The following ARHGEF11 variants were observed in gnomAD, a reference collection of about 807,000 sequenced individuals.
The protein encoded by ARHGEF11 is Rho guanine exchange factor (GEF) 11.
In ARHGEF11, 55 loss-of-function variants were observed where a neutral mutation model predicts 193.7. The ratio of observed to expected loss-of-function variants is 0.28; its 90% confidence interval spans 0.23 to 0.36. The LOEUF (loss-of-function observed/expected upper bound fraction) is 0.36. Among genes scored for constraint, ARHGEF11 ranks in the 10% least tolerant of loss-of-function variants. The pLI is 1.00. For synonymous variants in ARHGEF11, 693 were observed against 768.0 expected, an observed-to-expected ratio of 0.90 and a Z score of 1.62; for missense variants, 1,723 against 2,005.6, an observed-to-expected ratio of 0.86 and a Z score of 2.69.
chr1:156,938,363 C>G (rs138408443), intron 38 of ARHGEF11, 55 bp downstream of exon 38: 323 of 1,547,830 alleles, frequency 2.1e-4, no homozygotes, highest in Admixed American at 2.9e-4. Context: ...TCTGCCCTCA[C>G]AGGTTCCACA....
intron 1 of ARHGEF11, among the ~76,000 whole-genome samples, chr1:156,988,767 A>G (rs1003911438): frequency 3.3e-5 from 5 of 152,206 alleles, no homozygotes; most frequent in Non-Finnish European, 5.9e-5. Flanking sequence ...GGACAAGGAG[A>G]TGGCAACGTA....
chr1:156,953,490 C>CT (rs531712296), intron 21 of ARHGEF11, among the ~76,000 whole-genome samples: 251 of 152,108 alleles, frequency 1.7e-3, no homozygotes, highest in Non-Finnish European at 2.8e-3. Context: ...CAAGGCCATT[C>CT]TTTTTTTTCC....
chr1:156,960,263 G>C (rs1188239382), intron 15 of ARHGEF11, among the ~76,000 whole-genome samples, 155 bp downstream of exon 15: 1 of 152,164 alleles, frequency 6.6e-6, no homozygotes, highest in African/African-American at 2.4e-5. Flanking sequence ...CTACTGTGCA[G>C]TGTTCTGGAG....
At chr1:156,989,870 T>C (rs1169209560) in intron 1 of ARHGEF11, among the ~76,000 whole-genome samples, 1 of 152,258 alleles carries the variant, frequency 6.6e-6, no homozygotes, top group Admixed American at 6.5e-5. Flanking sequence ...TATCTATGTT[T>C]ATACATTTTT....
intron 1 of ARHGEF11, among the ~76,000 whole-genome samples, chr1:156,992,893 A>T (rs1317665201): frequency 6.6e-6 from 1 of 152,186 alleles, no homozygotes; most frequent in African/African-American, 2.4e-5. Context: ...TGGCTTCTGG[A>T]GTTTAAAGAA....
intron 1 of ARHGEF11, among the ~76,000 whole-genome samples, chr1:157,000,807 T>C (rs780426981): frequency 5.3e-5 from 8 of 152,144 alleles, no homozygotes; most frequent in Non-Finnish European, 8.8e-5. Context: ...TAACTGCAGG[T>C]AGATGCAAAC....
At position 156,995,957 on chromosome 1, in the gene ARHGEF11, A is replaced by G. The variant is rs2102610232; in HGVS notation, c.33-9784T>C. Among the ~76,000 whole-genome samples, 2 of 152,320 alleles carry G rather than the reference A, an allele frequency of 1.3e-5. 1 individual carries two copies. The highest frequency in any genetic ancestry group is 6.8e-3 in the Middle Eastern group (2 of 294). On this transcript the variant is annotated intron_variant, in intron 1 of 40. Transcript: ENST00000368194. The stretch of plus-strand genomic sequence containing the variant: ...AGGACATAGTAGATATTCAATAAAT[A>G]TGTGTTGGAAGATGAAATCAGATAC...
chr1:157,024,610 C>T lies in ARHGEF11; in HGVS notation c.32+19689G>A, dbSNP rs555766314. Among the ~76,000 whole-genome samples, 14 of 152,200 alleles carry T rather than the reference C, an allele frequency of 9.2e-5. No individual in the cohort carries two copies. The East Asian group carries it at 1.7e-3, about 19-fold the overall frequency. ...GTCTGCAGGTATAGGTGGTGCCCAG[C>T]CTGCTATGCTATGTAAATATCTTTT... is the stretch of plus-strand genomic sequence containing the variant. On this transcript the variant is annotated intron_variant, in intron 1 of 40. Transcript: ENST00000368194.
At chr1:157,016,354 GGATTATAGA>G (rs145492201) in intron 1 of ARHGEF11, among the ~76,000 whole-genome samples, 5,593 of 152,042 alleles carry the variant, frequency 0.037, 344 homozygotes, top group African/African-American at 0.13. Context: ...CGAGTAGCTG[GGATTATAGA>G]CACCTGCCAC....
At chr1:157,015,595 C>T (rs1183105778) in intron 1 of ARHGEF11, among the ~76,000 whole-genome samples, 1 of 152,170 alleles carries the variant, frequency 6.6e-6, no homozygotes, top group Non-Finnish European at 1.5e-5. Context: ...ATTGTCTTAT[C>T]CATCTTTGCA....
chr1:156,959,183 T>C (rs887616046), intron 15 of ARHGEF11, 41 bp from the exon 16 acceptor site: 1 of 1,571,172 alleles, frequency 6.4e-7, no homozygotes, highest in Non-Finnish European at 8.7e-7. Flanking sequence ...GATGGGGTAC[T>C]GGGGGTGGAG....
rs775282652 is a variant in ARHGEF11 at position 156,960,449 on chromosome 1, C to A, written c.1251G>T (p.Val417=). 5.6e-6 allele frequency: 9 copies of A among 1,614,132 alleles called. No homozygotes were observed. The highest frequency in any genetic ancestry group is 7.6e-6 in the Non-Finnish European group (9 of 1,180,028). Residue 417 remains valine (V), a synonymous_variant, in exon 15 of 41, where the codon GTG becomes GTT. Coordinates refer to ENST00000368194, the MANE Select transcript of ARHGEF11 (RefSeq NM_198236.3). The part of the protein sequence containing the change: ...IFLEKNAPLR[V]KIPEMLQAEI... ...CAGCCTGTAGCATCTCAGGGATCTT[C>A]ACTCTCAGAGGCTAAAAAACAGAAG...
chr1:156,986,946 C>A (rs547347561), intron 1 of ARHGEF11, among the ~76,000 whole-genome samples: 161 of 152,304 alleles, frequency 1.1e-3, no homozygotes, highest in African/African-American at 3.6e-3. Flanking sequence ...TATTCAGCTC[C>A]AGTCCCTCAG....
chr1:156,973,912 C>T (rs948551722), intron 7 of ARHGEF11, among the ~76,000 whole-genome samples: 1 of 152,200 alleles, frequency 6.6e-6, no homozygotes, highest in African/African-American at 2.4e-5. Context: ...ACATTTAACA[C>T]ACTTCTCCAA....
rs150597533 is a variant in ARHGEF11 at position 156,938,481 on chromosome 1, G to A, written c.4129C>T (p.Leu1377=). The A allele has an allele frequency of 8.1e-5, 130 of 1,613,644 alleles. No individual in the cohort carries two copies. The highest frequency in any genetic ancestry group is 9.9e-5 in the Non-Finnish European group (117 of 1,179,820). Residue 1377 remains leucine (L), a synonymous_variant, in exon 38 of 41, where the codon CTA becomes TTA. Transcript: ENST00000368194. ...EVAGSKVVPA[L]PESGQSEPGP... is the part of the protein sequence containing the mutation. ...GGCTCTGACTGGCCACTCTCTGGTAGTGCAGGGACAACCTTGCTGCCTGCC... is the reference window on the plus strand; with the variant it reads ...GGCTCTGACTGGCCACTCTCTGGTAATGCAGGGACAACCTTGCTGCCTGCC...
At chr1:156,961,837 A>AG in intron 13 of ARHGEF11, 62 bp from the exon 14 acceptor site, 1 of 1,485,902 alleles carries the variant, frequency 6.7e-7, no homozygotes, top group Non-Finnish European at 9.4e-7. Context: ...TTTGCCCCCT[A>AG]GGGGACGTTT....
chr1:157,031,753 AC>A (rs1671337243), intron 1 of ARHGEF11, among the ~76,000 whole-genome samples: 1 of 151,802 alleles, frequency 6.6e-6, no homozygotes, highest in Non-Finnish European at 1.5e-5. Context: ...TGGGATCCCT[AC>A]TCCCACCCCT....
intron 4 of ARHGEF11, 23 bp from the exon 5 acceptor site, chr1:156,979,309 T>A: frequency 6.2e-7 from 1 of 1,606,340 alleles, no homozygotes; most frequent in Non-Finnish European, 8.5e-7. Context: ...CAAACAGTAT[T>A]GAGTAATGGT....
intron 1 of ARHGEF11, among the ~76,000 whole-genome samples, chr1:157,035,911 CTATATATAGGAATATAT>C (rs1557990924): frequency 1.4e-4 from 14 of 98,364 alleles, no homozygotes; most frequent in African/African-American, 5.0e-4. Context: ...ATATATGAAT[CTATATATAGGAATATAT>C]ATATATGAAT....
Sources: allele counts gnomAD v4.1 joint callset (sites outside exome capture counted in the v4.1 genomes callset), GRCh38; gene constraint gnomAD v4.1.1; transcripts MANE v1.5; gene names NCBI Gene and HGNC (gene_info 2026-07-23, HGNC 2026-07-21).